The following ARHGEF11 variants were observed in gnomAD, a reference collection of about 807,000 sequenced individuals.
ARHGEF11 encodes the protein Rho guanine exchange factor (GEF) 11.
In ARHGEF11, 55 loss-of-function variants were observed where a neutral mutation model predicts 193.7. The ratio of observed to expected loss-of-function variants is 0.28; its 90% CI spans 0.23 to 0.36. The LOEUF (loss-of-function observed/expected upper bound fraction) is 0.36, where lower values mean the gene tolerates loss of function less well. Among genes scored for constraint, ARHGEF11 ranks in the 10% least tolerant of loss-of-function variants. The probability of loss-of-function intolerance (pLI) is 1.00; values close to 1 mark genes in which losing one functional copy is unlikely to be tolerated. For synonymous variants in ARHGEF11, 693 were observed against 768.0 expected (o/e 0.90, Z 1.62); for missense variants, 1,723 against 2,005.6 (o/e 0.86, Z 2.69).
chr1:156,966,699 T>G (rs1661710848), intron 11 of ARHGEF11, among the ~76,000 whole-genome samples: 1 of 152,232 alleles, frequency 6.6e-6, no homozygotes, highest in Admixed American at 6.5e-5. Context: ...TTTTCAGTTC[T>G]CATTCCATCC....
At chr1:156,954,758 A>G in intron 21 of ARHGEF11, 134 bp downstream of exon 21, 2 of 811,700 alleles carry the variant, frequency 2.5e-6, no homozygotes, top group East Asian at 4.9e-5. Context: ...CATAAGAGAA[A>G]TGGAGAGAAG....
chr1:156,962,908 A>AAAAAT (rs1661159609), intron 13 of ARHGEF11, among the ~76,000 whole-genome samples: 1 of 146,036 alleles, frequency 6.8e-6, no homozygotes, highest in African/African-American at 2.5e-5. Flanking sequence ...AAAAAAAAAA[A>AAAAAT]CTCTAGGAAG....
intron 1 of ARHGEF11, among the ~76,000 whole-genome samples, chr1:156,990,693 A>AC (rs1233416674): frequency 2.8e-5 from 4 of 143,288 alleles, no homozygotes; most frequent in African/African-American, 1.1e-4. Context: ...ATAGTCTATT[A>AC]CCCTTTAAAA....
chr1:157,037,946 C>T (rs891996638), intron 1 of ARHGEF11, among the ~76,000 whole-genome samples: 1 of 144,082 alleles, frequency 6.9e-6, no homozygotes, highest in Non-Finnish European at 1.5e-5. Context: ...GGCAGAGAAT[C>T]GCTTGAACCC....
chr1:156,939,212 A>C, intron 37 of ARHGEF11: 1 of 317,994 alleles, frequency 3.1e-6, no homozygotes, highest in African/African-American at 2.2e-5. Flanking sequence ...GGAACAGGAG[A>C]TCAGTGAGGA....
intron 32 of ARHGEF11, among the ~76,000 whole-genome samples, 189 bp downstream of exon 32, chr1:156,943,746 C>G (rs1197034800): frequency 6.6e-6 from 1 of 152,200 alleles, no homozygotes; most frequent in Non-Finnish European, 1.5e-5. Flanking sequence ...TCCTCTTGGT[C>G]CCCATCCTAA....
chr1:156,954,698 T>TC (rs1413524036), intron 21 of ARHGEF11, among the ~76,000 whole-genome samples, 194 bp downstream of exon 21: 1 of 151,696 alleles, frequency 6.6e-6, no homozygotes, highest in Admixed American at 6.6e-5. Context: ...CCCTCCCCAA[T>TC]CCCCCACAGG....
At chr1:157,022,951 A>C (rs1311392731) in intron 1 of ARHGEF11, among the ~76,000 whole-genome samples, 2 of 152,224 alleles carry the variant, frequency 1.3e-5, no homozygotes, top group African/African-American at 2.4e-5. Flanking sequence ...GAAATCCATA[A>C]GCAAAAGTAC....
At chr1:156,955,382 A>G (rs1262778445) in intron 20 of ARHGEF11, among the ~76,000 whole-genome samples, 3 of 152,160 alleles carry the variant, frequency 2.0e-5, no homozygotes, top group Non-Finnish European at 4.4e-5. Context: ...CCTTGGATGA[A>G]GGTGAAGGGG....
chr1:156,970,242 C>T (rs1482401432), intron 8 of ARHGEF11, among the ~76,000 whole-genome samples, 199 bp from the exon 9 acceptor site: 4 of 152,210 alleles, frequency 2.6e-5, no homozygotes, highest in African/African-American at 4.8e-5. Context: ...GGAAAGGGAG[C>T]TTTACCATTA....
chr1:156,973,273 A>C (rs1296189396), intron 7 of ARHGEF11, among the ~76,000 whole-genome samples: 3 of 152,124 alleles, frequency 2.0e-5, no homozygotes, highest in Non-Finnish European at 4.4e-5. Flanking sequence ...AGGGCCCTGC[A>C]CTTCTTTGTT....
intron 1 of ARHGEF11, among the ~76,000 whole-genome samples, chr1:156,989,078 T>G (rs1410577899): frequency 6.6e-6 from 1 of 152,018 alleles, no homozygotes; most frequent in African/African-American, 2.4e-5. Flanking sequence ...CCTGAGGACA[T>G]TCTCATCAAA....
intron 38 of ARHGEF11, 52 bp from the exon 39 acceptor site, chr1:156,937,548 C>G (rs555963536): frequency 2.0e-4 from 302 of 1,496,136 alleles, no homozygotes; most frequent in Non-Finnish European, 2.5e-4. Context: ...GAAGTCGAAG[C>G]TATCCTCCCG....
At chr1:157,026,523 T>C (rs879503118) in intron 1 of ARHGEF11, among the ~76,000 whole-genome samples, 68 of 152,122 alleles carry the variant, frequency 4.5e-4, no homozygotes, top group Non-Finnish European at 6.8e-4. Flanking sequence ...GCTAGAACTG[T>C]AGAAGAGATT....
intron 40 of ARHGEF11, among the ~76,000 whole-genome samples, chr1:156,936,497 A>AAAAATATATATAT (rs370282821): frequency 2.9e-5 from 1 of 33,934 alleles, no homozygotes; most frequent in African/African-American, 1.5e-4. Context: ...AAAAAAAAAA[A>AAAAATATATATAT]ATATATATAT....
In ARHGEF11 at chr1:156,970,018, G is replaced by C. The variant is rs1446395752; in HGVS notation, c.728C>G (p.Thr243Ser). The C allele has an allele frequency of 6.2e-7, 1 of 1,613,982 alleles. No individual in the cohort carries two copies. Among genetic ancestry groups the C allele is most frequent in the Non-Finnish European group, 8.5e-7 (1 of 1,179,906 alleles). The change falls in exon 9 of 41, where the codon ACC (threonine) becomes AGC (serine). Residue 243 changes from threonine to serine, a missense_variant. Thr to Ser is a moderately conservative substitution (Grantham distance 58). This residue lies in a region of ARHGEF11 where 646 missense variants were observed against 710.7 expected (regional missense o/e 0.91). Transcript: ENST00000368194. ...CTTACCTTCTGATGGTCTCTGGCTG[G>C]TGTCACCATATAGTGGAAGTATGTC... ...SVDILPLYGD[T>S]SQRPSEGRLS...
intron 1 of ARHGEF11, among the ~76,000 whole-genome samples, chr1:157,036,216 T>TAC (rs1314705967): frequency 6.8e-6 from 1 of 147,514 alleles, no homozygotes. Flanking sequence ...CATATATATA[T>TAC]ATGGCTGATT....
intron 1 of ARHGEF11, among the ~76,000 whole-genome samples, chr1:157,037,119 ACT>A (rs1479572251): frequency 6.6e-6 from 1 of 151,884 alleles, no homozygotes; most frequent in African/African-American, 2.4e-5. Context: ...CAAGAGCAAA[ACT>A]CTGTCTCAAA....
intron 1 of ARHGEF11, among the ~76,000 whole-genome samples, chr1:156,998,002 G>C (rs1216698161): frequency 2.0e-5 from 3 of 152,022 alleles, no homozygotes; most frequent in Non-Finnish European, 4.4e-5. Flanking sequence ...TTGCCCTTCA[G>C]AACAGTCAGA....
Sources: allele counts gnomAD v4.1 joint callset (sites outside exome capture counted in the v4.1 genomes callset), GRCh38; gene constraint gnomAD v4.1.1; regional missense constraint gnomAD v4.1.1; transcripts MANE v1.5; gene names NCBI Gene and HGNC (gene_info 2026-07-23, HGNC 2026-07-21).